The following CALN1 variants were observed in gnomAD, a reference collection of about 807,000 sequenced individuals.
The protein encoded by CALN1 is calcium-binding protein 8.
A neutral mutation model predicts 30.6 loss-of-function variants in CALN1; 17 were observed. The ratio of observed to expected loss-of-function variants is 0.56; its 90% CI spans 0.38 to 0.83. The LOEUF (loss-of-function observed/expected upper bound fraction) is 0.83, where lower values mean the gene tolerates loss of function less well. CALN1 is among the 40% of genes least tolerant of loss of function. CALN1 has a pLI of 0.00. For missense variants in CALN1, 291 were observed against 354.9 expected, an observed-to-expected ratio of 0.82 and a Z score of 1.45; for synonymous variants, 156 against 131.4, an observed-to-expected ratio of 1.19 and a Z score of -1.28.
intron 3 of CALN1, among the ~76,000 whole-genome samples, chr7:72,180,424 T>G (rs1789682781): frequency 6.6e-6 from 1 of 151,976 alleles, no homozygotes; most frequent in South Asian, 2.1e-4. Context: ...CCTTGCTTGA[T>G]GCAAACACCG....
At chr7:72,411,374 T>C (rs1007736448) in intron 1 of CALN1, among the ~76,000 whole-genome samples, 23 of 152,126 alleles carry the variant, frequency 1.5e-4, no homozygotes, top group African/African-American at 5.1e-4. Flanking sequence ...AAGAGATTCA[T>C]GTAACATCAT....
At chr7:71,789,143 G>C (rs968747575) in intron 6 of CALN1, among the ~76,000 whole-genome samples, 3 of 151,754 alleles carry the variant, frequency 2.0e-5, no homozygotes, top group Non-Finnish European at 2.9e-5. Context: ...GGCCAGGTTT[G>C]GTGGCTCTCA....
chr7:72,119,791 C>A (rs1377478882), intron 3 of CALN1, among the ~76,000 whole-genome samples: 1 of 152,044 alleles, frequency 6.6e-6, no homozygotes, highest in Non-Finnish European at 1.5e-5. Flanking sequence ...ACAAGAAGAG[C>A]ATGGGAAAGA....
chr7:71,959,695 C>G (rs1797141649), intron 5 of CALN1, among the ~76,000 whole-genome samples: 1 of 151,746 alleles, frequency 6.6e-6, no homozygotes, highest in African/African-American at 2.4e-5. Flanking sequence ...ACGATGGTCA[C>G]CCAGTCCCAA....
chr7:72,283,032 G>A (rs1232398551), intron 2 of CALN1, among the ~76,000 whole-genome samples: 1 of 147,244 alleles, frequency 6.8e-6, no homozygotes, highest in Admixed American at 6.9e-5. Context: ...TCCAGCCTGG[G>A]TGATCGAGGG....
chr7:72,009,463 C>T (rs1018476875), intron 5 of CALN1, among the ~76,000 whole-genome samples: 2 of 152,212 alleles, frequency 1.3e-5, no homozygotes, highest in Non-Finnish European at 2.9e-5. Context: ...TTAATTATCA[C>T]ATCTTGTCCA....
At chr7:72,471,271 T>C in the CALN1 span, among the ~76,000 whole-genome samples, 1 of 152,140 alleles carries the variant, frequency 6.6e-6, no homozygotes, top group Non-Finnish European at 1.5e-5. Flanking sequence ...TCATGAGGCA[T>C]TTCTAGATGC....
Position 72,338,470 on chromosome 7 carries a change from A to AGAGTGTGTGTGTGTGTGTGTGTGTGTGT in CALN1, c.120-59661_120-59660insACACACACACACACACACACACACACTC, listed in dbSNP as rs1031551970. 2.4e-4 allele frequency among the ~76,000 whole-genome samples: 18 copies of AGAGTGTGTGTGTGTGTGTGTGTGTGTGT among 74,806 alleles called. 1 individual carries two copies. Among genetic ancestry groups the AGAGTGTGTGTGTGTGTGTGTGTGTGTGT allele is most frequent in the East Asian group, 2.1e-3 (5 of 2,386 alleles). 49.1% of individuals were successfully genotyped at this position (74,806 alleles called of 152,430 possible). A position where few individuals can be genotyped will look rare whatever the true frequency, so the allele number is the denominator to read the frequency against. On this transcript the variant is annotated intron_variant, in intron 2 of 6. Coordinates refer to ENST00000395275, the MANE Select transcript of CALN1 (RefSeq NM_031468.4). ...GGGCGTTTTTGTCAGCCAGCAGCAC[A>AGAGTGTGTGTGTGTGTGTGTGTGTGTGT]GTGTGTGTGTGTGTGTGTGTGTGTG...
At chr7:72,257,401 C>A (rs1463755395) in intron 3 of CALN1, among the ~76,000 whole-genome samples, 1 of 152,052 alleles carries the variant, frequency 6.6e-6, no homozygotes, top group Non-Finnish European at 1.5e-5. Context: ...AAAATTAAAA[C>A]CACAATGAGA....
At chr7:72,343,732 G>A (rs1026490693) in intron 2 of CALN1, among the ~76,000 whole-genome samples, 3 of 152,268 alleles carry the variant, frequency 2.0e-5, no homozygotes, top group Middle Eastern at 3.4e-3. Flanking sequence ...GCAGAATTGA[G>A]ATGGAATAGC....
intron 3 of CALN1, among the ~76,000 whole-genome samples, chr7:72,224,649 C>T (rs1222578292): frequency 6.6e-6 from 1 of 151,944 alleles, no homozygotes; most frequent in Non-Finnish European, 1.5e-5. Context: ...GGAGTGGTGG[C>T]CAGTGCCTGT....
At position 71,853,799 on chromosome 7, in the gene CALN1, C is replaced by T. The variant is rs568109537; in HGVS notation, c.502-43307G>A. Among the ~76,000 whole-genome samples the T allele has an allele frequency of 3.5e-3, 512 of 144,722 alleles. 3 individuals are homozygous for T. The highest frequency in any genetic ancestry group is 0.012 in the African/African-American group (472 of 40,248). The allele number at this position is 144,722 out of a possible 152,430, so 94.9% of individuals were successfully genotyped here. ...TTCACCATGTTGGCCAGGGTGGTCTCGAACTCCTGATCTCAGGTAATCCGC... is the reference window on the plus strand; with the variant it reads ...TTCACCATGTTGGCCAGGGTGGTCTTGAACTCCTGATCTCAGGTAATCCGC... On this transcript the variant is annotated intron_variant, in intron 5 of 6. Coordinates refer to ENST00000395275, the MANE Select transcript of CALN1 (RefSeq NM_031468.4).
At position 71,963,596 on chromosome 7, in the gene CALN1, T is replaced by C. The variant is rs189412665; in HGVS notation, c.501+60061A>G. On this transcript the variant is annotated intron_variant, in intron 5 of 6. Coordinates refer to ENST00000395275, the MANE Select transcript of CALN1 (RefSeq NM_031468.4). Reference sequence around the variant, plus strand: ...CTGGGATTACAGGTATGAGCCACCGTGCCCAGCCTAGGAAACTTTTTCTCT... The same window carrying C: ...CTGGGATTACAGGTATGAGCCACCGCGCCCAGCCTAGGAAACTTTTTCTCT... Among the ~76,000 whole-genome samples the C allele has an allele frequency of 4.8e-4, 73 of 152,318 alleles. 2 individuals are homozygous for C. The East Asian group carries it at 7.5e-3, about 16-fold the overall frequency.
chr7:71,919,101 A>C (rs1290375606), intron 5 of CALN1, among the ~76,000 whole-genome samples: 1 of 152,212 alleles, frequency 6.6e-6, no homozygotes, highest in Non-Finnish European at 1.5e-5. Flanking sequence ...AATTCTATAA[A>C]TAAGCAATGA....
chr7:72,105,459 T>C (rs940263325), intron 4 of CALN1, among the ~76,000 whole-genome samples: 2 of 151,872 alleles, frequency 1.3e-5, no homozygotes, highest in Non-Finnish European at 2.9e-5. Context: ...TTTGGTGATG[T>C]TGGAGGAACA....
chr7:71,947,884 G>A (rs540358998), intron 5 of CALN1, among the ~76,000 whole-genome samples: 59 of 150,480 alleles, frequency 3.9e-4, no homozygotes, highest in African/African-American at 1.3e-3. Context: ...AGGTTGCAGT[G>A]AGCTAGTTGC....
At chr7:71,850,359 G>A (rs1790566623) in intron 5 of CALN1, among the ~76,000 whole-genome samples, 1 of 151,572 alleles carries the variant, frequency 6.6e-6, no homozygotes, top group South Asian at 2.1e-4. Flanking sequence ...GGGATTACAG[G>A]CGCATACCAC....
At chr7:72,271,742 T>G (rs979697986) in intron 3 of CALN1, among the ~76,000 whole-genome samples, 1 of 151,100 alleles carries the variant, frequency 6.6e-6, no homozygotes, top group Middle Eastern at 3.4e-3. Flanking sequence ...CAGTGCCAGA[T>G]GCTGCAGAAA....
intron 4 of CALN1, among the ~76,000 whole-genome samples, chr7:72,096,419 CA>C (rs567956822): frequency 6.6e-6 from 1 of 152,184 alleles, no homozygotes; most frequent in Non-Finnish European, 1.5e-5. Flanking sequence ...TCTCTGTAGC[CA>C]AAGAGTTTTC....
Sources: allele counts gnomAD v4.1 joint callset (sites outside exome capture counted in the v4.1 genomes callset), GRCh38; gene constraint gnomAD v4.1.1; transcripts MANE v1.5; gene names NCBI Gene and HGNC (gene_info 2026-07-23, HGNC 2026-07-21).